RIPOR3: variants seen among roughly 807,000 people sequenced by gnomAD.
The protein encoded by RIPOR3 is family with sequence similarity 65 member C.
In RIPOR3, 95 loss-of-function variants were observed where a neutral mutation model predicts 114.3. The observed-to-expected ratio is 0.83, with a 90% CI of 0.70 to 0.99. The LOEUF is 0.99. Ranked by LOEUF, RIPOR3 falls within the 50% of genes least tolerant of loss-of-function variation. RIPOR3 has a pLI of 0.00. For synonymous variants in RIPOR3, 575 were observed against 543.8 expected (o/e 1.06, Z -0.80); for missense variants, 1,252 against 1,266.9 (o/e 0.99, Z 0.18).
intron 2 of RIPOR3, 122 bp downstream of exon 2, chr20:50,630,616 C>T: frequency 2.7e-6 from 2 of 737,216 alleles, no homozygotes; most frequent in Non-Finnish European, 4.5e-6. Context: ...TCTCGGGCTG[C>T]AAGCCGGCCT....
At chr20:50,628,498 G>A (rs1318603453) in intron 2 of RIPOR3, among the ~76,000 whole-genome samples, 1 of 151,844 alleles carries the variant, frequency 6.6e-6, no homozygotes, top group Non-Finnish European at 1.5e-5. Flanking sequence ...AAGGCTTCCC[G>A]GCCCACCCCC....
chr20:50,635,482 G>T (rs1273174437), intron 1 of RIPOR3, among the ~76,000 whole-genome samples: 1 of 151,976 alleles, frequency 6.6e-6, no homozygotes. Context: ...AGTGAGACCC[G>T]GTCCCCACAA....
At chr20:50,615,851 G>A (rs1600578230) in intron 4 of RIPOR3, 151 bp downstream of exon 4, 1 of 695,844 alleles carries the variant, frequency 1.4e-6, no homozygotes, top group Admixed American at 2.8e-5. Flanking sequence ...CCAAAGTGAA[G>A]TTAACTCAGT....
intron 1 of RIPOR3, among the ~76,000 whole-genome samples, chr20:50,681,639 C>A (rs1001132299): frequency 2.0e-5 from 3 of 152,208 alleles, no homozygotes; most frequent in African/African-American, 4.8e-5. Context: ...TAATTAACAG[C>A]AATATCTGTA....
intron 1 of RIPOR3, among the ~76,000 whole-genome samples, chr20:50,681,257 A>G: frequency 9.1e-6 from 1 of 109,676 alleles, no homozygotes. Flanking sequence ...AGAAAAGAAA[A>G]GAAACAATAA....
intron 6 of RIPOR3, 47 bp from the exon 7 acceptor site, chr20:50,609,769 GC>G: frequency 7.4e-7 from 1 of 1,353,612 alleles, no homozygotes; most frequent in Non-Finnish European, 9.5e-7. Context: ...CGGAGGGGCG[GC>G]CCCACACCTG....
chr20:50,618,270 CAAAAAAAAAAAAAA>C (rs61215608), intron 3 of RIPOR3, among the ~76,000 whole-genome samples: 15 of 67,382 alleles, frequency 2.2e-4, no homozygotes, highest in Admixed American at 6.8e-4. Context: ...GACTCCGTCT[CAAAAAAAAAAAAAA>C]AAAAAAAAAA....
At chr20:50,680,127 C>G (rs1389793817) in intron 1 of RIPOR3, among the ~76,000 whole-genome samples, 1 of 152,210 alleles carries the variant, frequency 6.6e-6, no homozygotes, top group Non-Finnish European at 1.5e-5. Flanking sequence ...TCAGCACCCC[C>G]ACCCTCCGCT....
At chr20:50,663,457 G>T (rs1005115261) in intron 1 of RIPOR3, among the ~76,000 whole-genome samples, 1 of 152,176 alleles carries the variant, frequency 6.6e-6, no homozygotes. Context: ...CCAGTGCAGC[G>T]TCTGATCATA....
chr20:50,686,833 T>C (rs913528261), intron 1 of RIPOR3, among the ~76,000 whole-genome samples: 4 of 152,198 alleles, frequency 2.6e-5, no homozygotes, highest in Non-Finnish European at 5.9e-5. Flanking sequence ...TCTCCTCTTG[T>C]ATTGCAGTTG....
At chr20:50,616,562 C>T (rs560259660) in intron 3 of RIPOR3, among the ~76,000 whole-genome samples, 26 of 152,120 alleles carry the variant, frequency 1.7e-4, no homozygotes, top group Admixed American at 5.9e-4. Flanking sequence ...AGGCTGGTCT[C>T]GAACTCCTTG....
At chr20:50,690,217 T>C (rs367960029) in intron 1 of RIPOR3, among the ~76,000 whole-genome samples, 1 of 152,236 alleles carries the variant, frequency 6.6e-6, no homozygotes, top group Admixed American at 6.5e-5. Context: ...TCGAAACAGA[T>C]TTTCTGCAAA....
intron 7 of RIPOR3, 48 bp downstream of exon 7, chr20:50,609,525 C>G: frequency 7.0e-7 from 1 of 1,434,554 alleles, no homozygotes; most frequent in African/African-American, 1.4e-5. Context: ...CACTGCCCGG[C>G]CCAGCTCTTG....
At chr20:50,605,469 T>A (rs566147040) in intron 11 of RIPOR3, among the ~76,000 whole-genome samples, 3 of 152,138 alleles carry the variant, frequency 2.0e-5, no homozygotes, top group Non-Finnish European at 4.4e-5. Context: ...CTGTACTTAA[T>A]GGATTTAAGA....
At chr20:50,668,983 T>C (rs2086360208) in intron 1 of RIPOR3, among the ~76,000 whole-genome samples, 1 of 151,956 alleles carries the variant, frequency 6.6e-6, no homozygotes, top group Non-Finnish European at 1.5e-5. Flanking sequence ...TGTTCACATA[T>C]GCACACACAG....
intron 1 of RIPOR3, among the ~76,000 whole-genome samples, chr20:50,647,091 G>A (rs534594349): frequency 1.5e-4 from 23 of 152,288 alleles, no homozygotes; most frequent in Non-Finnish European, 2.5e-4. Flanking sequence ...AGGCCGAGGC[G>A]GACGGATCAC....
intron 1 of RIPOR3, among the ~76,000 whole-genome samples, chr20:50,673,834 C>T (rs112481018): frequency 1.3e-5 from 2 of 152,156 alleles, no homozygotes; most frequent in South Asian, 2.1e-4. Context: ...CCCAATGGAG[C>T]GAATCGTTGC....
In RIPOR3 at chr20:50,587,142, A is replaced by G. The variant is rs772613254; in HGVS notation, c.*90T>C. 1 of 983,248 alleles carries G rather than the reference A, an allele frequency of 1.0e-6. No individual in the cohort carries two copies. The highest frequency in any genetic ancestry group is 2.5e-5 in the East Asian group (1 of 39,882). The allele number at this position is 983,248 out of a possible 1,614,324, so 60.9% of individuals were successfully genotyped here. On this transcript the variant is annotated 3_prime_UTR_variant, in exon 22 of 22. Coordinates refer to ENST00000327979, the MANE Select transcript of RIPOR3 (RefSeq NM_001290268.2). ...GCAGCTCACACTCCTGGAGGAGTGC[A>G]CAGCACCATTACCCAGAGTGCAGGC...
intron 2 of RIPOR3, among the ~76,000 whole-genome samples, chr20:50,623,996 C>A (rs2084524006): frequency 6.7e-6 from 1 of 150,054 alleles, no homozygotes; most frequent in Non-Finnish European, 1.5e-5. Flanking sequence ...GCTACCACGT[C>A]CAGTAATTTT....
Sources: gnomAD v4.1 joint callset for allele counts (sites outside exome capture counted in the v4.1 genomes callset) on GRCh38, gnomAD v4.1.1 for gene constraint, MANE v1.5 for transcripts, NCBI Gene and HGNC (gene_info 2026-07-23, HGNC 2026-07-21) for gene names.